Variants in RHBDD1 observed in about 807,000 individuals in gnomAD.
RHBDD1 encodes the protein rhomboid-related protein 4.
RHBDD1 carries 38 observed loss-of-function variants against 36.3 expected under a neutral mutation model. The observed-to-expected ratio is 1.05, with a 90% CI of 0.81 to 1.37. The LOEUF (loss-of-function observed/expected upper bound fraction) is 1.37. Ranked by LOEUF, RHBDD1 falls within the 40% of genes most tolerant of loss-of-function variation. The pLI, the probability that RHBDD1 is intolerant of heterozygous loss-of-function variation, is 0.00. For synonymous variants in RHBDD1, 151 were observed against 136.5 expected (o/e 1.11, Z -0.74); for missense variants, 393 against 377.6 (o/e 1.04, Z -0.34).
chr2:226,820,060 G>A, the RHBDD1 span, among the ~76,000 whole-genome samples: 1 of 148,322 alleles, frequency 6.7e-6, no homozygotes, highest in African/African-American at 2.5e-5. Flanking sequence ...TGCATTCACA[G>A]TAATTTAGGT....
At chr2:226,860,070 G>A (rs187147358) in intron 3 of RHBDD1, among the ~76,000 whole-genome samples, 2 of 152,342 alleles carry the variant, frequency 1.3e-5, no homozygotes, top group East Asian at 3.9e-4. Context: ...GGGTAGCAGG[G>A]TGATAAGGTT....
At chr2:226,994,233 T>C (rs1376089411) in intron 8 of RHBDD1, among the ~76,000 whole-genome samples, 1 of 152,208 alleles carries the variant, frequency 6.6e-6, no homozygotes, top group Non-Finnish European at 1.5e-5. Context: ...GAACAGCTAC[T>C]GTGTGTTCAG....
At chr2:226,934,130 A>G (rs1950198839) in intron 8 of RHBDD1, among the ~76,000 whole-genome samples, 1 of 152,150 alleles carries the variant, frequency 6.6e-6, no homozygotes, top group Non-Finnish European at 1.5e-5. Flanking sequence ...CAGACCACAT[A>G]TGTGACAGTG....
At chr2:226,818,815 G>A in the RHBDD1 span, among the ~76,000 whole-genome samples, 1 of 151,700 alleles carries the variant, frequency 6.6e-6, no homozygotes, top group East Asian at 1.9e-4. Context: ...CTCCAGCCTG[G>A]GCAACAAGAG....
the RHBDD1 span, among the ~76,000 whole-genome samples, chr2:226,811,566 G>T: frequency 1.4e-4 from 22 of 152,190 alleles, no homozygotes; most frequent in Non-Finnish European, 2.6e-4. Context: ...GTCTCCCAAA[G>T]TGCTGGGATT....
chr2:226,809,480 T>C, the RHBDD1 span, among the ~76,000 whole-genome samples: 1 of 152,238 alleles, frequency 6.6e-6, no homozygotes, highest in Non-Finnish European at 1.5e-5. Context: ...TATGGCAACA[T>C]ATTTTATATT....
intron 8 of RHBDD1, among the ~76,000 whole-genome samples, chr2:226,947,718 T>G (rs1270070066): frequency 6.6e-6 from 1 of 151,974 alleles, no homozygotes; most frequent in Non-Finnish European, 1.5e-5. Flanking sequence ...TCAAACAAAT[T>G]TACAAGAAAA....
the RHBDD1 span, among the ~76,000 whole-genome samples, chr2:226,810,540 CAAAAAAAAAAA>C: frequency 5.9e-5 from 2 of 33,878 alleles, no homozygotes; most frequent in South Asian, 1.3e-3. Context: ...GACTCCGTCT[CAAAAAAAAAAA>C]AAAAAAAAAA....
At chr2:226,948,305 A>G (rs1399816121) in intron 8 of RHBDD1, among the ~76,000 whole-genome samples, 1 of 149,378 alleles carries the variant, frequency 6.7e-6, no homozygotes. Flanking sequence ...TTCTCAGTAA[A>G]CTATCGCAAG....
the RHBDD1 span, among the ~76,000 whole-genome samples, chr2:226,818,934 G>C: frequency 1.6e-3 from 237 of 152,280 alleles, 1 homozygote; most frequent in African/African-American, 5.3e-3. Context: ...AGCTAGAATT[G>C]AAAAGCAGCT....
chr2:226,887,146 G>A (rs114687354), intron 5 of RHBDD1, among the ~76,000 whole-genome samples: 1,620 of 152,184 alleles, frequency 0.011, 25 homozygotes, highest in South Asian at 0.043. Flanking sequence ...AACTTTTTCT[G>A]TTCTAAGACT....
chr2:226,892,287 A>G (rs1199224933), intron 5 of RHBDD1, among the ~76,000 whole-genome samples: 1 of 152,156 alleles, frequency 6.6e-6, no homozygotes, highest in Non-Finnish European at 1.5e-5. Flanking sequence ...TAGATGGGGC[A>G]TGTCTGTTTT....
chr2:226,915,777 A>G (rs1038679759), intron 8 of RHBDD1, among the ~76,000 whole-genome samples: 2 of 152,204 alleles, frequency 1.3e-5, no homozygotes, highest in African/African-American at 2.4e-5. Flanking sequence ...ATAAATCTGT[A>G]TTTCTCAGGT....
intron 1 of RHBDD1, among the ~76,000 whole-genome samples, chr2:226,836,690 A>AT (rs1941009573): frequency 6.6e-6 from 1 of 152,204 alleles, no homozygotes; most frequent in Non-Finnish European, 1.5e-5. Context: ...GTCAAAATGA[A>AT]TGAGTGCCTG....
At chr2:226,824,138 A>C in the RHBDD1 span, among the ~76,000 whole-genome samples, 1 of 152,170 alleles carries the variant, frequency 6.6e-6, no homozygotes, top group Non-Finnish European at 1.5e-5. Context: ...TATACATATA[A>C]ACTACATAAA....
the RHBDD1 span, among the ~76,000 whole-genome samples, chr2:226,801,996 C>T: frequency 6.6e-6 from 1 of 151,862 alleles, no homozygotes; most frequent in East Asian, 1.9e-4. Context: ...TTTCAAATGG[C>T]CCTGTCCCTA....
In RHBDD1 at chr2:226,915,879, T is replaced by C. The variant is rs554416046; in HGVS notation, c.856+1528T>C. Among the ~76,000 whole-genome samples, 4 of 152,226 alleles carry C rather than the reference T, an allele frequency of 2.6e-5. No homozygotes were observed. In the South Asian group the frequency reaches 8.3e-4, roughly 32 times the overall value. ...CGTGGATTAAAACAGTAAACATTTG[T>C]TCTTGCTCATGAGTATGTGAAGCAG... On this transcript the variant is annotated intron_variant, in intron 8 of 8. Coordinates refer to ENST00000392062, the MANE Select transcript of RHBDD1 (RefSeq NM_001167608.3).
intron 3 of RHBDD1, 128 bp from the exon 4 acceptor site, chr2:226,864,476 C>T (rs974835127): frequency 1.8e-5 from 10 of 546,352 alleles, no homozygotes; most frequent in Non-Finnish European, 2.9e-5. Flanking sequence ...TTGAAGATGT[C>T]GAACATAAAT....
intron 7 of RHBDD1, among the ~76,000 whole-genome samples, chr2:226,911,788 C>T (rs1366456325): frequency 2.0e-5 from 3 of 151,978 alleles, no homozygotes; most frequent in Non-Finnish European, 4.4e-5. Context: ...TACTTGTCTC[C>T]TTCTCCTGTT....
Sources: gnomAD v4.1 joint callset for allele counts (sites outside exome capture counted in the v4.1 genomes callset) on GRCh38, gnomAD v4.1.1 for gene constraint, MANE v1.5 for transcripts, NCBI Gene and HGNC (gene_info 2026-07-23, HGNC 2026-07-21) for gene names.